IQSEC2: variants seen among roughly 807,000 people sequenced by gnomAD.
IQSEC2 encodes the protein IQ motif and SEC7 domain-containing protein 2.
In IQSEC2, 6 loss-of-function variants were observed where a neutral mutation model predicts 74.6. The ratio of observed to expected loss-of-function variants is 0.08; its 90% CI spans 0.04 to 0.16. The LOEUF is 0.16. IQSEC2 is among the 10% of genes least tolerant of loss of function. IQSEC2 has a pLI of 1.00. For synonymous variants in IQSEC2, 494 were observed against 544.5 expected, an observed-to-expected ratio of 0.91 and a Z score of 1.29; for missense variants, 734 against 1,306.2, an observed-to-expected ratio of 0.56 and a Z score of 6.75.
In IQSEC2 at chrX:53,234,622, G is replaced by A; in HGVS notation, c.4064C>T (p.Pro1355Leu). 1 of 1,136,717 alleles carries A rather than the reference G, an allele frequency of 8.8e-7. No homozygotes were observed. The highest frequency in any genetic ancestry group is 3.3e-5 in the East Asian group (1 of 30,460). The allele number at this position is 1,136,717 out of a possible 1,213,427, so 93.7% of individuals were successfully genotyped here. The change falls in exon 15 of 15, where the codon CCA becomes CTA. Residue 1355 changes from proline to leucine, a missense_variant. Transcript: ENST00000642864. ...CTGGTGCAGGGGGTGGCGGCCATGTGGAGCAAACTGAGGGTGTCCTCCAGC... is the reference window on the plus strand; with the variant it reads ...CTGGTGCAGGGGGTGGCGGCCATGTAGAGCAAACTGAGGGTGTCCTCCAGC... ...RGAGGHPQFA[P>L]HGRHPLHQPT...
At chrX:53,243,308 T>C in intron 9 of IQSEC2, 24 bp downstream of exon 9, 1 of 1,154,115 alleles carries the variant, frequency 8.7e-7, no homozygotes, top group South Asian at 1.9e-5. Context: ...CCCTGGCCCC[T>C]CTGCAGCCTC....
intron 2 of IQSEC2, among the ~76,000 whole-genome samples, chrX:53,285,890 T>C (rs891037907): frequency 5.3e-5 from 6 of 112,638 alleles, no homozygotes; most frequent in African/African-American, 1.9e-4. Flanking sequence ...CTGGCACAGC[T>C]GATTCCTAAC....
At chrX:53,308,184 A>G (rs1160715794) in intron 1 of IQSEC2, among the ~76,000 whole-genome samples, 1 of 107,655 alleles carries the variant, frequency 9.3e-6, no homozygotes, top group Non-Finnish European at 1.9e-5. Flanking sequence ...AAAAAAAAAA[A>G]AAAGAAGAGA....
At chrX:53,232,106 C>T (rs1383896829), downstream of IQSEC2, among the ~76,000 whole-genome samples, 6 of 111,585 alleles carry the variant, frequency 5.4e-5, no homozygotes, top group Admixed American at 1.9e-4. Context: ...GAAACACGTC[C>T]GTTTCGGAGG....
At chrX:53,318,208 C>T (rs781868967) in intron 1 of IQSEC2, among the ~76,000 whole-genome samples, 2 of 112,361 alleles carry the variant, frequency 1.8e-5, no homozygotes, top group African/African-American at 6.5e-5. Context: ...CAGTTGCCAA[C>T]ACTCACTGCA....
At chrX:53,245,320 T>C (rs782475030) in intron 8 of IQSEC2, among the ~76,000 whole-genome samples, 1 of 108,098 alleles carries the variant, frequency 9.3e-6, no homozygotes, top group South Asian at 4.1e-4. Context: ...CCCAGCTACT[T>C]AGGAGGCTGA....
Position 53,256,107 on chromosome X carries a change from G to A in IQSEC2, c.738-46C>T, listed in dbSNP as rs1556865221. On this transcript the variant is annotated intron_variant, in intron 2 of 14. Coordinates refer to ENST00000642864, the MANE Select transcript of IQSEC2 (RefSeq NM_001111125.3). ...GAGCCAGGATGTGGGGACAGGACAG[G>A]GGCCTACTGGGCCATACTGAGAGTG... 8.3e-6 allele frequency: 9 copies of A among 1,084,638 alleles called. No homozygotes were observed. In the African/African-American group the frequency reaches 1.3e-4, roughly 16 times the overall value. 89.4% of individuals were successfully genotyped at this position (1,084,638 alleles called of 1,213,427 possible). A position where few individuals can be genotyped will look rare whatever the true frequency, so the allele number is the denominator to read the frequency against.
chrX:53,233,081 G>A lies in IQSEC2; in HGVS notation c.*1138C>T, dbSNP rs782263695. 9.0e-6 allele frequency: 1 copy of A among 111,576 alleles called. No individual in the cohort carries two copies. The highest frequency in any genetic ancestry group is 3.8e-4 in the South Asian group (1 of 2,638). 9.2% of individuals were successfully genotyped at this position (111,576 alleles called of 1,213,427 possible). On this transcript the variant is annotated 3_prime_UTR_variant, in exon 15 of 15. Coordinates refer to ENST00000642864, the MANE Select transcript of IQSEC2 (RefSeq NM_001111125.3). ...GCAGCCCATGGTGGAGAGGGGAGAG[G>A]GAGGCAGGAGCTGAGTGAGGAGCTG... is the stretch of plus-strand genomic sequence containing the variant.
At chrX:53,281,760 C>CA (rs1222344988) in intron 2 of IQSEC2, 2 of 337,069 alleles carry the variant, frequency 5.9e-6, no homozygotes, top group East Asian at 9.4e-5. Flanking sequence ...TCCTCTGGGC[C>CA]AAACCCCAGG....
At chrX:53,240,029 C>T (rs782789270) in intron 10 of IQSEC2, among the ~76,000 whole-genome samples, 11 of 111,867 alleles carry the variant, frequency 9.8e-5, no homozygotes, top group African/African-American at 3.6e-4. Flanking sequence ...GGACATACAC[C>T]AGTTTCAGTA....
At chrX:53,255,006 C>T in intron 3 of IQSEC2, 75 bp from the exon 4 acceptor site, 1 of 1,035,713 alleles carries the variant, frequency 9.7e-7, no homozygotes, top group Non-Finnish European at 1.3e-6. Context: ...TCAACCACAC[C>T]ACCCCCACTG....
intron 8 of IQSEC2, 137 bp from the exon 9 acceptor site, chrX:53,243,608 C>A (rs1442052345): frequency 1.1e-6 from 1 of 914,557 alleles, no homozygotes; most frequent in African/African-American, 2.0e-5. Flanking sequence ...GGCCCCTTAG[C>A]CAGGATTGGG....
At position 53,254,534 on chromosome X, in the gene IQSEC2, T is replaced by C; in HGVS notation, c.1397A>G (p.Lys466Arg). Reference sequence around the variant, plus strand: ...GTCCTTTTCAGGGATCCTGACCTGTTTGGAGAAGGAGTCCTCAAGTTCTGT... The same window carrying C: ...GTCCTTTTCAGGGATCCTGACCTGTCTGGAGAAGGAGTCCTCAAGTTCTGT... The part of the protein sequence containing the change: ...DITELEDSFS[K>R]QVKSLAESID... Residue 466 changes from lysine (K) to arginine (R), a missense_variant, in exon 4 of 15, where the codon AAA becomes AGA. Around this residue, in one of 12 missense-constraint regions of IQSEC2, gnomAD observed 204 missense variants for 305.4 expected, o/e 0.67. Coordinates refer to ENST00000642864, the MANE Select transcript of IQSEC2 (RefSeq NM_001111125.3). The C allele has an allele frequency of 8.4e-7, 1 of 1,197,384 alleles. No homozygotes were observed. The highest frequency in any genetic ancestry group is 2.3e-5 in the Admixed American group (1 of 43,208).
At chrX:53,296,711 C>T (rs190553322) in intron 1 of IQSEC2, among the ~76,000 whole-genome samples, 50 of 110,558 alleles carry the variant, frequency 4.5e-4, no homozygotes, top group Admixed American at 7.7e-4. Flanking sequence ...CAGGCATGTG[C>T]CACCATGCCC....
At chrX:53,318,925 C>T (rs1408124553) in intron 1 of IQSEC2, among the ~76,000 whole-genome samples, 2 of 113,043 alleles carry the variant, frequency 1.8e-5, no homozygotes, top group African/African-American at 6.4e-5. Context: ...ACAGTCGGTC[C>T]TCCCGGACTG....
rs1280970744 is a variant in IQSEC2 at position 53,255,947 on chromosome X, G to A, written c.852C>T (p.Pro284=). 8 of 1,200,015 alleles carry A rather than the reference G, an allele frequency of 6.7e-6. No homozygotes were observed. The East Asian group carries it at 2.1e-4, about 31-fold the overall frequency. The change falls in exon 3 of 15, where the codon CCC becomes CCT. Residue 284 remains proline (P), a synonymous_variant. Coordinates refer to ENST00000642864, the MANE Select transcript of IQSEC2 (RefSeq NM_001111125.3). ...CCCAGGGAAGGCCCACTCCAGCAGG[G>A]GGGCCCCCCATGTGGCTGCTGGAGG... The part of the protein sequence containing the change: ...LPPSSSHMGG[P]PAGVGLPWAQ...
rs782437696 is a variant in IQSEC2, at chrX:53,238,179, C to T, written c.3243G>A (p.Ala1081=). The change falls in exon 12 of 15, where the codon GCG becomes GCA. Residue 1081 remains alanine, a synonymous_variant. Transcript: ENST00000642864. ...RFTSDLRESI[A]EVQEMEKYRV... is the part of the protein sequence containing the mutation. Reference sequence around the variant, plus strand: ...GGTATTTCTCCATCTCCTGCACCTCCGCAATGGACTCGCGCAGGTCGGATG... The same window carrying T: ...GGTATTTCTCCATCTCCTGCACCTCTGCAATGGACTCGCGCAGGTCGGATG... The T allele has an allele frequency of 3.4e-5, 41 of 1,206,958 alleles. No homozygotes were observed. The highest frequency in any genetic ancestry group is 4.4e-5 in the Non-Finnish European group (39 of 893,315).
intron 2 of IQSEC2, among the ~76,000 whole-genome samples, chrX:53,286,826 G>C (rs2146399967): frequency 9.2e-6 from 1 of 108,651 alleles, no homozygotes; most frequent in South Asian, 4.0e-4. Flanking sequence ...TGTAGTCCCA[G>C]CTACTTGGGA....
At chrX:53,274,618 C>T (rs2074798815) in intron 2 of IQSEC2, among the ~76,000 whole-genome samples, 2 of 107,882 alleles carry the variant, frequency 1.9e-5, no homozygotes, top group Admixed American at 2.0e-4. Flanking sequence ...CCCGCCACCA[C>T]GCCTGGCTAA....
Sources: allele counts gnomAD v4.1 joint callset (sites outside exome capture counted in the v4.1 genomes callset), GRCh38; gene constraint gnomAD v4.1.1; regional missense constraint gnomAD v4.1.1; transcripts MANE v1.5; gene names NCBI Gene and HGNC (gene_info 2026-07-23, HGNC 2026-07-21).